Variants in CADM2 observed in about 807,000 individuals in gnomAD.
The protein encoded by CADM2 is immunoglobulin superfamily member 4D.
In CADM2, 12 loss-of-function variants were observed where a neutral mutation model predicts 49.8. The ratio of observed to expected loss-of-function variants is 0.24; its 90% CI spans 0.15 to 0.39. The LOEUF (loss-of-function observed/expected upper bound fraction) is 0.39, where lower values mean the gene tolerates loss of function less well. CADM2 is among the 10% of genes least tolerant of loss of function. CADM2 has a pLI of 1.00. For missense variants in CADM2, 378 were observed against 492.3 expected, an observed-to-expected ratio of 0.77 and a Z score of 2.20; for synonymous variants, 214 against 175.4, an observed-to-expected ratio of 1.22 and a Z score of -1.74.
intron 1 of CADM2, among the ~76,000 whole-genome samples, chr3:85,239,687 A>G (rs755740605): frequency 5.9e-5 from 9 of 151,480 alleles, no homozygotes; most frequent in Non-Finnish European, 1.3e-4. Flanking sequence ...ATTACAAGAA[A>G]ATTGTTTCCT....
chr3:85,388,338 G>A (rs911291227), intron 1 of CADM2, among the ~76,000 whole-genome samples: 1 of 152,134 alleles, frequency 6.6e-6, no homozygotes, highest in Non-Finnish European at 1.5e-5. Context: ...TTAATTGTTT[G>A]GCCTGGGATT....
intron 1 of CADM2, among the ~76,000 whole-genome samples, chr3:85,714,654 T>C (rs997441857): frequency 5.3e-5 from 8 of 152,010 alleles, no homozygotes; most frequent in Non-Finnish European, 8.8e-5. Flanking sequence ...ATGGTCTCGA[T>C]CTCCTGACCT....
intron 1 of CADM2, among the ~76,000 whole-genome samples, chr3:85,268,104 G>A (rs995094015): frequency 2.0e-5 from 3 of 151,446 alleles, no homozygotes; most frequent in Non-Finnish European, 4.4e-5. Context: ...ATCTGACTTA[G>A]TCTGGGATAT....
chr3:85,481,231 T>G (rs1181823261), intron 1 of CADM2, among the ~76,000 whole-genome samples: 1 of 147,036 alleles, frequency 6.8e-6, no homozygotes, highest in African/African-American at 2.5e-5. Flanking sequence ...ATATATTGGA[T>G]ATATATATAT....
chr3:85,632,069 A>G lies in CADM2; in HGVS notation c.62-94453A>G, dbSNP rs139255511. ...TGGCTCTGTGTCCCACCCAAATCTC[A>G]TCTTGTAGCTCCCATGATTCTCATG... is the stretch of plus-strand genomic sequence containing the variant. On this transcript the variant is annotated intron_variant, in intron 1 of 9. Transcript: ENST00000383699. Among the ~76,000 whole-genome samples, 181 of 152,222 alleles carry G rather than the reference A, an allele frequency of 1.2e-3. 2 individuals carry two copies. Among genetic ancestry groups the G allele is most frequent in the Non-Finnish European group, 5.6e-4 (38 of 67,996 alleles).
chr3:85,028,297 C>T (rs2034823409), intron 1 of CADM2, among the ~76,000 whole-genome samples: 1 of 152,152 alleles, frequency 6.6e-6, no homozygotes, highest in Non-Finnish European at 1.5e-5. Flanking sequence ...ATTGAACCAT[C>T]CATATTTGAC....
chr3:84,960,093 T>C, intron 1 of CADM2: 1 of 207,884 alleles, frequency 4.8e-6, no homozygotes. Flanking sequence ...CTCCCCCTTT[T>C]CAGGTCGCCT....
chr3:84,985,562 TGAA>T (rs147087595), intron 1 of CADM2, among the ~76,000 whole-genome samples: 6,478 of 152,156 alleles, frequency 0.043, 166 homozygotes, highest in African/African-American at 0.06. Context: ...TTAATAATAA[TGAA>T]GAGAGAACAA....
In CADM2 at chr3:85,424,422, T is replaced by C. The variant is rs1032817346; in HGVS notation, c.62-302100T>C. Among the ~76,000 whole-genome samples, 5 of 152,152 alleles carry C rather than the reference T, an allele frequency of 3.3e-5. No individual in the cohort carries two copies. The South Asian group carries it at 8.3e-4, about 25-fold the overall frequency. ...GTTTTTTCTCTTTAATGTCCCCACC[T>C]TCCAACTTCTTGCCTGTATATTTAT... On this transcript the variant is annotated intron_variant, in intron 1 of 9. Coordinates refer to ENST00000383699, the MANE Select transcript of CADM2 (RefSeq NM_001167675.2).
At chr3:85,188,595 T>C (rs914260863) in intron 1 of CADM2, among the ~76,000 whole-genome samples, 7 of 152,312 alleles carry the variant, frequency 4.6e-5, no homozygotes, top group African/African-American at 1.4e-4. Flanking sequence ...TTCATATTTA[T>C]ATGTTCATAA....
chr3:85,837,319 T>C (rs1330927056), intron 3 of CADM2, among the ~76,000 whole-genome samples: 1 of 151,662 alleles, frequency 6.6e-6, no homozygotes, highest in Non-Finnish European at 1.5e-5. Context: ...TTTTCATGCT[T>C]CTCAAGTAGA....
intron 8 of CADM2, among the ~76,000 whole-genome samples, chr3:86,059,347 C>G (rs1738352844): frequency 6.6e-6 from 1 of 152,062 alleles, no homozygotes; most frequent in Non-Finnish European, 1.5e-5. Flanking sequence ...TTATTTTTCA[C>G]TCGTAAATAT....
chr3:85,113,861 C>G (rs2038549144), intron 1 of CADM2, among the ~76,000 whole-genome samples: 1 of 151,966 alleles, frequency 6.6e-6, no homozygotes, highest in Non-Finnish European at 1.5e-5. Context: ...CATCATAAGT[C>G]TCTTTCAAGT....
intron 1 of CADM2, among the ~76,000 whole-genome samples, chr3:85,682,849 T>G (rs1001967301): frequency 1.3e-5 from 2 of 152,120 alleles, no homozygotes; most frequent in Non-Finnish European, 2.9e-5. Context: ...ATGAGTCTTC[T>G]GTTATTTATT....
intron 8 of CADM2, among the ~76,000 whole-genome samples, chr3:86,048,928 A>C (rs1736999078): frequency 6.6e-6 from 1 of 152,198 alleles, no homozygotes; most frequent in Non-Finnish European, 1.5e-5. Context: ...TATAAAAGAC[A>C]ATTAAAACTA....
chr3:85,235,957 T>C (rs572050471), intron 1 of CADM2, among the ~76,000 whole-genome samples: 1 of 152,276 alleles, frequency 6.6e-6, no homozygotes, highest in South Asian at 2.1e-4. Flanking sequence ...GTATATGGTC[T>C]GTATCTGTTG....
chr3:85,997,451 A>G lies in CADM2; in HGVS notation c.970+35804A>G, dbSNP rs1477425469. 2.0e-5 allele frequency among the ~76,000 whole-genome samples: 3 copies of G among 152,156 alleles called. No individual in the cohort carries two copies. The East Asian group carries it at 5.8e-4, about 29-fold the overall frequency. On this transcript the variant is annotated intron_variant, in intron 8 of 9. Coordinates refer to ENST00000383699, the MANE Select transcript of CADM2 (RefSeq NM_001167675.2). ...TAATCTCATCACTGTTTTATTTTAA[A>G]ACTTTTCCTTGAACTACTACTGGCC...
intron 1 of CADM2, among the ~76,000 whole-genome samples, chr3:85,237,789 A>T (rs2042440383): frequency 6.6e-6 from 1 of 151,774 alleles, no homozygotes; most frequent in African/African-American, 2.4e-5. Context: ...CTAGTTCAAG[A>T]TACATGTTGG....
At chr3:85,424,323 AAT>A (rs778059905) in intron 1 of CADM2, among the ~76,000 whole-genome samples, 87 of 151,578 alleles carry the variant, frequency 5.7e-4, no homozygotes, top group South Asian at 1.0e-3. Context: ...TTTGAAAAAT[AAT>A]ATATATGTCT....
Sources: gnomAD v4.1 joint callset for allele counts (sites outside exome capture counted in the v4.1 genomes callset) on GRCh38, gnomAD v4.1.1 for gene constraint, MANE v1.5 for transcripts, NCBI Gene and HGNC (gene_info 2026-07-23, HGNC 2026-07-21) for gene names.